The following FRMD5 variants were observed in gnomAD, a reference collection of about 807,000 sequenced individuals.
The protein encoded by FRMD5 is FERM domain-containing protein 5.
In FRMD5, 20 loss-of-function variants were observed where a neutral mutation model predicts 69.0. That is an observed-to-expected ratio of 0.29 (90% CI 0.20 to 0.42). FRMD5 has a LOEUF of 0.42. Among genes scored for constraint, FRMD5 ranks in the 10% least tolerant of loss-of-function variants. FRMD5 has a pLI of 1.00. For missense variants in FRMD5, 595 were observed against 708.6 expected (o/e 0.84, Z 1.82); for synonymous variants, 271 against 260.1 (o/e 1.04, Z -0.40).
intron 2 of FRMD5, among the ~76,000 whole-genome samples, chr15:43,920,703 C>T: frequency 6.6e-6 from 1 of 152,196 alleles, no homozygotes; most frequent in East Asian, 1.9e-4. Flanking sequence ...ATGTAAGCTC[C>T]ATGAAGGCCC....
chr15:43,906,309 G>A (rs2089170568), intron 5 of FRMD5, among the ~76,000 whole-genome samples: 1 of 152,196 alleles, frequency 6.6e-6, no homozygotes. Flanking sequence ...GGTCTTTGTG[G>A]CAGCACAGGA....
At chr15:43,885,016 T>C (rs1464207406) in intron 11 of FRMD5, 2 of 494,098 alleles carry the variant, frequency 4.0e-6, no homozygotes, top group Non-Finnish European at 7.2e-6. Context: ...CTAGAGTCTT[T>C]AGGATCTTCC....
At chr15:44,102,069 T>C (rs1434368143) in intron 1 of FRMD5, among the ~76,000 whole-genome samples, 2 of 152,228 alleles carry the variant, frequency 1.3e-5, no homozygotes, top group East Asian at 3.8e-4. Flanking sequence ...GGCACCATTA[T>C]CCATTCTTTG....
At chr15:43,876,186 C>G in intron 13 of FRMD5, 1 of 1,600,016 alleles carries the variant, frequency 6.2e-7, no homozygotes, top group Non-Finnish European at 8.6e-7. Flanking sequence ...ACTGTCACTC[C>G]CAGAGGCTGC....
At chr15:43,951,726 A>G (rs1477614778) in intron 1 of FRMD5, among the ~76,000 whole-genome samples, 1 of 152,212 alleles carries the variant, frequency 6.6e-6, no homozygotes, top group Non-Finnish European at 1.5e-5. Context: ...CAAACTACTT[A>G]GGATAGCTCT....
At chr15:44,005,654 A>G (rs1222209365) in intron 1 of FRMD5, among the ~76,000 whole-genome samples, 1 of 152,134 alleles carries the variant, frequency 6.6e-6, no homozygotes, top group East Asian at 1.9e-4. Flanking sequence ...GGCATCTCAC[A>G]TGGCCGGAGC....
chr15:43,885,843 T>TCACCCCACTC, intron 10 of FRMD5, 88 bp from the exon 11 acceptor site: 1 of 1,011,658 alleles, frequency 9.9e-7, no homozygotes. Context: ...TTCCAAAGGC[T>TCACCCCACTC]ACTTGAAACT....
In FRMD5 at chr15:43,876,282, G is replaced by A. The variant is rs981930180; in HGVS notation, c.1136-1820C>T. ...TTGTTGAACTCTGAACTCTGGGCCT[G>A]GTTTTTACCCCAGTTTGAAAGAATC... On this transcript the variant is annotated intron_variant, in intron 13 of 13. Coordinates refer to ENST00000417257, the MANE Select transcript of FRMD5 (RefSeq NM_032892.5). 4 of 1,301,520 alleles carry A rather than the reference G, an allele frequency of 3.1e-6. No individual in the cohort carries two copies. In the African/African-American group the frequency reaches 5.8e-5, roughly 19 times the overall value. 80.6% of individuals were successfully genotyped at this position (1,301,520 alleles called of 1,614,324 possible). A position where few individuals can be genotyped will look rare whatever the true frequency, so the allele number is the denominator to read the frequency against.
intron 13 of FRMD5, among the ~76,000 whole-genome samples, chr15:43,880,147 C>A (rs1440145428): frequency 6.6e-6 from 1 of 152,172 alleles, no homozygotes; most frequent in East Asian, 1.9e-4. Context: ...ATAGTCCAGG[C>A]CTGCCCTGGT....
At chr15:44,034,736 T>C (rs935989691) in intron 1 of FRMD5, among the ~76,000 whole-genome samples, 2 of 152,162 alleles carry the variant, frequency 1.3e-5, no homozygotes, top group Admixed American at 6.6e-5. Context: ...TTTAGCTCTT[T>C]TTCCAGGCTT....
intron 1 of FRMD5, among the ~76,000 whole-genome samples, chr15:44,034,307 C>T (rs896034178): frequency 6.6e-5 from 10 of 152,184 alleles, no homozygotes; most frequent in African/African-American, 2.2e-4. Flanking sequence ...GTTCATTCAA[C>T]CTCCTTTTTC....
chr15:44,176,491 C>T (rs1432338059), intron 1 of FRMD5, among the ~76,000 whole-genome samples: 3 of 151,910 alleles, frequency 2.0e-5, no homozygotes, highest in Admixed American at 6.6e-5. Context: ...CTTAGATATG[C>T]CACCAAAAGC....
rs140313240 is a variant in FRMD5 at position 44,044,216 on chromosome 15, A to G, written c.103-119907T>C. Among the ~76,000 whole-genome samples, 444 of 152,348 alleles carry G rather than the reference A, an allele frequency of 2.9e-3. 2 individuals carry two copies. Among genetic ancestry groups the G allele is most frequent in the African/African-American group, 0.01 (422 of 41,592 alleles). On this transcript the variant is annotated intron_variant, in intron 1 of 13. Transcript: ENST00000417257. ...TAGAGAAATGCAAATCAAAACCACAATGAGATACCATCTCATGCCAGTTAG... is the reference window on the plus strand; with the variant it reads ...TAGAGAAATGCAAATCAAAACCACAGTGAGATACCATCTCATGCCAGTTAG...
intron 7 of FRMD5, among the ~76,000 whole-genome samples, chr15:43,896,200 T>C (rs996790584): frequency 3.3e-5 from 5 of 152,198 alleles, no homozygotes; most frequent in African/African-American, 1.2e-4. Context: ...CGAAATAATC[T>C]AGTTCACTTC....
At chr15:44,152,971 C>T (rs1222550935) in intron 1 of FRMD5, among the ~76,000 whole-genome samples, 5 of 151,872 alleles carry the variant, frequency 3.3e-5, no homozygotes, top group Admixed American at 6.6e-5. Flanking sequence ...AGATGATCAA[C>T]ATCACTAATC....
chr15:44,139,298 TAC>T (rs140679752), intron 1 of FRMD5, among the ~76,000 whole-genome samples: 13,102 of 143,212 alleles, frequency 0.091, 576 homozygotes, highest in Non-Finnish European at 0.11. Flanking sequence ...CCCCTCTCTC[TAC>T]ACACACACAC....
intron 1 of FRMD5, among the ~76,000 whole-genome samples, chr15:43,994,410 T>C (rs1033780156): frequency 6.6e-6 from 1 of 152,214 alleles, no homozygotes; most frequent in African/African-American, 2.4e-5. Context: ...TCTTTTTATA[T>C]TGTGTATTCA....
At chr15:43,929,795 T>A (rs2089644945) in intron 1 of FRMD5, among the ~76,000 whole-genome samples, 1 of 152,188 alleles carries the variant, frequency 6.6e-6, no homozygotes, top group Admixed American at 6.5e-5. Flanking sequence ...CTAGCTTAAC[T>A]ATATATATTT....
rs193145043 is a variant in FRMD5, at chr15:44,119,982, T to A, written c.102+74971A>T. ...CAGAATATATTTCAAGGGAACAGAA[T>A]GTGCAAAAGCATAATAAGCAATAAA... On this transcript the variant is annotated intron_variant, in intron 1 of 13. Transcript: ENST00000417257. Among the ~76,000 whole-genome samples the A allele has an allele frequency of 9.9e-5, 15 of 152,230 alleles. No homozygotes were observed. In the East Asian group the frequency reaches 2.3e-3, roughly 24 times the overall value.
Sources: gnomAD v4.1 joint callset for allele counts (sites outside exome capture counted in the v4.1 genomes callset) on GRCh38, gnomAD v4.1.1 for gene constraint, MANE v1.5 for transcripts, NCBI Gene and HGNC (gene_info 2026-07-23, HGNC 2026-07-21) for gene names.